Variants in KDM5C observed in about 807,000 individuals in gnomAD.
KDM5C encodes the protein lysine demethylase 5C, also known as lysine-specific demethylase 5C.
In KDM5C, 16 loss-of-function variants were observed where a neutral mutation model predicts 110.6. That is an observed-to-expected ratio of 0.14 (90% CI 0.10 to 0.22). KDM5C has a LOEUF of 0.22. Among genes scored for constraint, KDM5C ranks in the 10% least tolerant of loss-of-function variants. The pLI is 1.00. For synonymous variants in KDM5C, 511 were observed against 520.4 expected (o/e 0.98, Z 0.24); for missense variants, 681 against 1,300.9 (o/e 0.52, Z 7.33).
At chrX:53,204,134 C>T (rs1485593570) in intron 12 of KDM5C, among the ~76,000 whole-genome samples, 1 of 110,653 alleles carries the variant, frequency 9.0e-6, no homozygotes, top group Non-Finnish European at 1.9e-5. Context: ...ACAGATGAAG[C>T]TTGTCAACTG....
Position 53,199,003 on chromosome X carries a change from C to A in KDM5C, c.2217G>T (p.Lys739Asn), listed in dbSNP as rs782162957. 4 of 1,212,142 alleles carry A rather than the reference C, an allele frequency of 3.3e-6. No individual in the cohort carries two copies. Among genetic ancestry groups the A allele is most frequent in the Non-Finnish European group, 4.5e-6 (4 of 895,624 alleles). Reference protein sequence around the residue: ...VCLSHINDLCKCSSSRQYLRY... With the variant: ...VCLSHINDLCNCSSSRQYLRY... ...GCAGGTACTGCCGGCTACTGGAGCA[C>A]TTGCAGAGATCATTGATGTGGGAAA... is the stretch of plus-strand genomic sequence containing the variant. Residue 739 changes from lysine (K) to asparagine (N), a missense_variant, in exon 15 of 26, where the codon AAG becomes AAT. Physicochemically the swap from Lys to Asn is moderately conservative, Grantham distance 94 (BLOSUM62 0). Coordinates refer to ENST00000375401, the MANE Select transcript of KDM5C (RefSeq NM_004187.5).
chrX:53,199,925 C>G (rs1330121886), intron 14 of KDM5C, among the ~76,000 whole-genome samples: 1 of 111,220 alleles, frequency 9.0e-6, no homozygotes, highest in Non-Finnish European at 1.9e-5. Context: ...GTTATGAGCC[C>G]AAATCCCACT....
At position 53,199,145 on chromosome X, in the gene KDM5C, G is replaced by T. The variant is rs1556840292; in HGVS notation, c.2075C>A (p.Ala692Asp). ...KALLEKGITEAEREAFELLPD... is the reference protein window; with the variant it reads ...KALLEKGITEDEREAFELLPD... ...GAGCAGCTCGAAAGCCTCTCGCTCA[G>T]CCTCTGTGATACCCTAAGGGCATTT... is the stretch of plus-strand genomic sequence containing the variant. Residue 692 changes from alanine (A) to aspartate (D), a missense_variant, in exon 15 of 26, where the codon GCT (alanine) becomes GAT (aspartate). Around this residue, in one of 14 missense-constraint regions of KDM5C, gnomAD observed 42 missense variants for 98.9 expected, o/e 0.42. Transcript: ENST00000375401. 1.7e-6 allele frequency: 2 copies of T among 1,211,555 alleles called. No homozygotes were observed. Among genetic ancestry groups the T allele is most frequent in the Admixed American group, 2.2e-5 (1 of 46,037 alleles).
At chrX:53,190,031 G>A (rs782653757), downstream of KDM5C, among the ~76,000 whole-genome samples, 2 of 112,410 alleles carry the variant, frequency 1.8e-5, no homozygotes, top group Admixed American at 9.3e-5. Context: ...GGGAGGACTC[G>A]GCAGCTAGGT....
chrX:53,214,468 A>G, intron 8 of KDM5C: 2 of 437,159 alleles, frequency 4.6e-6, no homozygotes, highest in Admixed American at 8.1e-5. Flanking sequence ...CATATAGTCT[A>G]ATTATGATGC....
chrX:53,197,693 T>C (rs1556838447), intron 18 of KDM5C, 78 bp downstream of exon 18: 1 of 833,221 alleles, frequency 1.2e-6, no homozygotes, highest in East Asian at 3.4e-5. Context: ...TTTAAGCTTT[T>C]GAAAGGAGCC....
downstream of KDM5C, among the ~76,000 whole-genome samples, chrX:53,189,243 A>C (rs139133797): frequency 0.11 from 11,918 of 111,812 alleles, 1,541 homozygotes; most frequent in African/African-American, 0.37. Flanking sequence ...AGAGATCAAC[A>C]CTGAGCTCCC....
Position 53,214,716 on chromosome X carries a change from G to A in KDM5C, c.1095C>T (p.Val365=), listed in dbSNP as rs782322479. The A allele has an allele frequency of 7.4e-6, 9 of 1,209,169 alleles. No homozygotes were observed. Among genetic ancestry groups the A allele is most frequent in the Non-Finnish European group, 8.9e-6 (8 of 894,720 alleles). ...CCATGACACACTTTGGGCACCGCCA[G>A]ACACCCTTGGGGATCTCAGGCAGAG... is the stretch of plus-strand genomic sequence containing the variant. ...LPPLPEIPKG[V]WRCPKCVMAE... The change falls in exon 8 of 26, where the codon GTC becomes GTT. Residue 365 remains valine (V), a synonymous_variant. Coordinates refer to ENST00000375401, the MANE Select transcript of KDM5C (RefSeq NM_004187.5).
chrX:53,195,015 C>A lies in KDM5C; in HGVS notation c.3354G>T (p.Trp1118Cys). Residue 1118 changes from tryptophan to cysteine, a missense_variant, in exon 22 of 26, where the codon TGG becomes TGT. Physicochemically the swap from Trp to Cys is radical, Grantham distance 215. Around this residue, in one of 14 missense-constraint regions of KDM5C, gnomAD observed 66 missense variants for 162.9 expected, o/e 0.41. Coordinates refer to ENST00000375401, the MANE Select transcript of KDM5C (RefSeq NM_004187.5). ...AGSDSTKRSR[W>C]MEKELGLYKS... ...TGTACAACCCCAGCTCCTTCTCCAT[C>A]CACCGGCTGCGCTTGGTGCTGTCTG... 1 of 1,209,639 alleles carries A rather than the reference C, an allele frequency of 8.3e-7. No individual in the cohort carries two copies. The highest frequency in any genetic ancestry group is 1.1e-6 in the Non-Finnish European group (1 of 894,355).
chrX:53,203,198 G>A (rs2073204534), intron 12 of KDM5C, among the ~76,000 whole-genome samples: 2 of 111,954 alleles, frequency 1.8e-5, no homozygotes, highest in South Asian at 7.4e-4. Context: ...CTGTTGAAAA[G>A]TTCGAAGCCA....
Position 53,194,198 on chromosome X carries a change from A to C in KDM5C, c.3979T>G (p.Tyr1327Asp). 3.3e-6 allele frequency: 4 copies of C among 1,210,305 alleles called. No individual in the cohort carries two copies. Among genetic ancestry groups the C allele is most frequent in the Non-Finnish European group, 4.5e-6 (4 of 894,503 alleles). ...GGGTCAGAAGCAGGGGCTGCAGGGT[A>C]GTTAGGAGGCTCCTCAGGTCTAGGT... The part of the protein sequence containing the change: ...AEPRPEEPPN[Y>D]PAAPASDPLR... Residue 1327 changes from tyrosine (Y) to aspartate (D), a missense_variant, in exon 23 of 26, where the codon TAC becomes GAC. By Grantham distance (160) the Tyr-to-Asp change is radical. Transcript: ENST00000375401.
At chrX:53,217,010 G>T in intron 5 of KDM5C, 133 bp downstream of exon 5, 1 of 789,627 alleles carries the variant, frequency 1.3e-6, no homozygotes, top group Non-Finnish European at 1.9e-6. Flanking sequence ...GCCAGAGAGA[G>T]GCACACTAAT....
intron 12 of KDM5C, among the ~76,000 whole-genome samples, chrX:53,208,420 T>TATATATATATATATATATATACACATAC (rs2073428183): frequency 2.8e-4 from 1 of 3,545 alleles, no homozygotes; most frequent in Non-Finnish European, 5.8e-4. Context: ...CACATACATA[T>TATATATATATATATATATATACACATAC]ATATATATAT....
At chrX:53,213,125 T>C (rs1443018624) in intron 8 of KDM5C, among the ~76,000 whole-genome samples, 1 of 112,658 alleles carries the variant, frequency 8.9e-6, no homozygotes, top group Non-Finnish European at 1.9e-5. Context: ...CCTCATTTTG[T>C]ACCTATGTTC....
chrX:53,193,527 G>A lies in KDM5C; in HGVS notation c.4227C>T (p.Leu1409=), dbSNP rs782643090. The change falls in exon 25 of 26, where the codon CTC becomes CTT. Residue 1409 remains leucine (L), a synonymous_variant. Coordinates refer to ENST00000375401, the MANE Select transcript of KDM5C (RefSeq NM_004187.5). ...LEELMMEGDL[L]EVTLDENHSI... is the part of the protein sequence containing the mutation. ...TGTGGTTCTCATCCAGGGTCACCTC[G>A]AGCAGGTCCCCCTCCATCATGAGCT... is the stretch of plus-strand genomic sequence containing the variant. The A allele has an allele frequency of 4.1e-6, 5 of 1,211,835 alleles. No individual in the cohort carries two copies. Among genetic ancestry groups the A allele is most frequent in the Middle Eastern group, 2.3e-4 (1 of 4,354 alleles).
chrX:53,179,673 C>A (rs1933981827), intron 25 of KDM5C, among the ~76,000 whole-genome samples: 2 of 111,593 alleles, frequency 1.8e-5, no homozygotes, highest in African/African-American at 6.5e-5. Context: ...GGCAAATAAG[C>A]ATGTTAAAAG....
At chrX:53,224,682 G>A (rs2073991881) in intron 1 of KDM5C, 58 bp downstream of exon 1, 2 of 1,191,920 alleles carry the variant, frequency 1.7e-6, no homozygotes, top group African/African-American at 1.8e-5. Context: ...CTTCGCCGCT[G>A]GCTATCCTAC....
At chrX:53,217,593 T>C (rs1289143933) in intron 4 of KDM5C, among the ~76,000 whole-genome samples, 5 of 112,195 alleles carry the variant, frequency 4.5e-5, no homozygotes, top group Non-Finnish European at 7.5e-5. Context: ...GTTAAAACTT[T>C]GTCACATAAC....
intron 25 of KDM5C, among the ~76,000 whole-genome samples, chrX:53,178,199 T>C (rs1933933883): frequency 8.9e-6 from 1 of 112,316 alleles, no homozygotes. Flanking sequence ...ATTTTTTAAA[T>C]GCCTGAAATG....
Sources: allele counts gnomAD v4.1 joint callset (sites outside exome capture counted in the v4.1 genomes callset), GRCh38; gene constraint gnomAD v4.1.1; regional missense constraint gnomAD v4.1.1; transcripts MANE v1.5; gene names NCBI Gene and HGNC (gene_info 2026-07-23, HGNC 2026-07-21).